Variants in DOCK7 observed in about 807,000 individuals in gnomAD.
DOCK7 encodes the protein dedicator of cytokinesis 7.
DOCK7 carries 138 observed loss-of-function variants against 271.0 expected under a neutral mutation model. The observed-to-expected ratio is 0.51, with a 90% CI of 0.44 to 0.59. The LOEUF (loss-of-function observed/expected upper bound fraction) is 0.59. Ranked by LOEUF, DOCK7 falls within the 20% of genes least tolerant of loss-of-function variation. DOCK7 has a pLI of 0.00. For missense variants in DOCK7, 2,066 were observed against 2,592.4 expected, an observed-to-expected ratio of 0.80 and a Z score of 4.41; for synonymous variants, 823 against 876.1, an observed-to-expected ratio of 0.94 and a Z score of 1.07.
chr1:62,657,341 A>G (rs2149703425), intron 2 of DOCK7, among the ~76,000 whole-genome samples: 1 of 152,308 alleles, frequency 6.6e-6, no homozygotes, highest in Non-Finnish European at 1.5e-5. Context: ...TTGTGTACCA[A>G]AAGAAGACAA....
At chr1:62,561,088 T>G (rs1646306904) in intron 19 of DOCK7, among the ~76,000 whole-genome samples, 1 of 152,014 alleles carries the variant, frequency 6.6e-6, no homozygotes, top group African/African-American at 2.4e-5. Context: ...TGACATACAG[T>G]AATGAGGTTG....
Position 62,513,810 on chromosome 1 carries a change from G to A in DOCK7, c.4025C>T (p.Thr1342Ile), listed in dbSNP as rs1205988041. Residue 1342 changes from threonine (T) to isoleucine (I), a missense_variant, in exon 32 of 50, where the codon ACA becomes ATA. Around this residue, in one of 2 missense-constraint regions of DOCK7, gnomAD observed 1,414 missense variants for 1,670.4 expected, o/e 0.85. Coordinates refer to ENST00000635253, the MANE Select transcript of DOCK7 (RefSeq NM_001367561.1). ...ATCTGTAAACCACTTCTGTAGAACT[G>A]TTTCATCTGCATTTTTGAGAACCCA... ...LLWVLKNADE[T>I]VLQKWFTDLS... The A allele has an allele frequency of 6.2e-7, 1 of 1,614,126 alleles. No homozygotes were observed. The highest frequency in any genetic ancestry group is 8.5e-7 in the Non-Finnish European group (1 of 1,179,998).
intron 14 of DOCK7, among the ~76,000 whole-genome samples, chr1:62,589,122 T>C (rs778866893): frequency 1.3e-5 from 2 of 152,200 alleles, no homozygotes; most frequent in Non-Finnish European, 2.9e-5. Context: ...TGGAGTACAT[T>C]TATGAAGAGT....
intron 37 of DOCK7, among the ~76,000 whole-genome samples, chr1:62,497,334 C>T (rs1222845617): frequency 1.3e-5 from 2 of 152,154 alleles, no homozygotes; most frequent in Admixed American, 6.5e-5. Flanking sequence ...CCAGTATATA[C>T]ACATGTTTCT....
chr1:62,604,224 A>G (rs763633329), intron 14 of DOCK7: 14 of 1,613,018 alleles, frequency 8.7e-6, no homozygotes, highest in Non-Finnish European at 1.1e-5. Flanking sequence ...AACTGTCCAG[A>G]GGGTTATTCA....
chr1:62,639,082 T>C (rs1040256379), intron 7 of DOCK7, among the ~76,000 whole-genome samples: 3 of 152,200 alleles, frequency 2.0e-5, no homozygotes, highest in African/African-American at 7.2e-5. Flanking sequence ...AGTGCTCTAG[T>C]TGTCTAATCA....
At chr1:62,670,019 G>A (rs545299649) in intron 1 of DOCK7, among the ~76,000 whole-genome samples, 2 of 152,354 alleles carry the variant, frequency 1.3e-5, no homozygotes, top group Admixed American at 1.3e-4. Flanking sequence ...GGCAATGGGG[G>A]ACTTAGCACC....
intron 34 of DOCK7, among the ~76,000 whole-genome samples, chr1:62,510,255 T>A (rs1347185816): frequency 1.3e-5 from 2 of 152,198 alleles, no homozygotes; most frequent in Non-Finnish European, 2.9e-5. Context: ...GGTTTCTGAT[T>A]CTTTGTAATA....
chr1:62,504,860 G>A (rs1457345753), intron 36 of DOCK7, 78 bp from the exon 37 acceptor site: 1 of 1,506,308 alleles, frequency 6.6e-7, no homozygotes, highest in Non-Finnish European at 9.0e-7. Context: ...ACCTGAACTG[G>A]AGACTTGTTA....
At position 62,688,276 on chromosome 1, in the gene DOCK7, C is replaced by CGACGGT. The variant is rs1163959676; in HGVS notation, c.-13_-12insACCGTC. On this transcript the variant is annotated 5_prime_UTR_variant, in exon 1 of 50. Coordinates refer to ENST00000635253, the MANE Select transcript of DOCK7 (RefSeq NM_001367561.1). ...CGGCGCTCGGCCATGGCTGCTGCGG[C>CGACGGT]GACGGCGACGGCGGCGGCGGCTGCG... 70 of 1,286,902 alleles carry CGACGGT rather than the reference C, an allele frequency of 5.4e-5. No individual in the cohort carries two copies. Among genetic ancestry groups the CGACGGT allele is most frequent in the Admixed American group, 7.2e-5 (2 of 27,818 alleles). The allele number at this position is 1,286,902 out of a possible 1,614,324, so 79.7% of individuals were successfully genotyped here.
chr1:62,529,383 T>C lies in DOCK7; in HGVS notation c.3675A>G (p.Ser1225=). 1 of 1,613,794 alleles carries C rather than the reference T, an allele frequency of 6.2e-7. No homozygotes were observed. Among genetic ancestry groups the C allele is most frequent in the Non-Finnish European group, 8.5e-7 (1 of 1,179,892 alleles). Residue 1225 remains serine, a synonymous_variant, in exon 30 of 50, where the codon TCA becomes TCG. Transcript: ENST00000635253. ...MVHNLLSSHD[S]DPRYSDPQIK... is the part of the protein sequence containing the mutation. ...TCTGAGGGTCAGAGTACCGCGGGTC[T>C]GAGTCGTGACTGGAGAGTAAATTGT...
At position 62,535,536 on chromosome 1, in the gene DOCK7, C is replaced by G; in HGVS notation, c.3568G>C (p.Val1190Leu). The change falls in exon 29 of 50, where the codon GTG (valine) becomes CTG (leucine). Residue 1190 changes from valine to leucine, a missense_variant. Physicochemically the swap from Val to Leu is conservative, Grantham distance 32. Coordinates refer to ENST00000635253, the MANE Select transcript of DOCK7 (RefSeq NM_001367561.1). Reference sequence around the variant, plus strand: ...AAAATGACAGCCAGCTCTGTTAACACAAGTCCTGCCAAATAATGCTGTTGG... The same window carrying G: ...AAAATGACAGCCAGCTCTGTTAACAGAAGTCCTGCCAAATAATGCTGTTGG... ...FRQQHYLAGL[V>L]LTELAVILDP... The G allele has an allele frequency of 6.2e-7, 1 of 1,614,070 alleles. No individual in the cohort carries two copies. The highest frequency in any genetic ancestry group is 8.5e-7 in the Non-Finnish European group (1 of 1,179,986).
rs779747783 is a variant in DOCK7 at position 62,457,538 on chromosome 1, C to T, written c.6380G>A (p.Arg2127Lys). 4 of 1,612,596 alleles carry T rather than the reference C, an allele frequency of 2.5e-6. No individual in the cohort carries two copies. The highest frequency in any genetic ancestry group is 1.1e-5 in the South Asian group (1 of 90,816). The change falls in exon 49 of 50, where the codon AGA becomes AAA. Residue 2127 changes from arginine (R) to lysine (K), a missense_variant and splice_region_variant. Around this residue, in one of 2 missense-constraint regions of DOCK7, gnomAD observed 652 missense variants for 922.1 expected, o/e 0.71. Transcript: ENST00000635253. Reference protein sequence around the residue: ...YKAVLPVTCHRDSFSRMSLRK... With the variant: ...YKAVLPVTCHKDSFSRMSLRK... ...TAAAACCACTTAAAAATAAGCATAC[C>T]TGTGGCAGGTGACAGGCAATACTGC...
chr1:62,631,847 A>T (rs1325397748), intron 10 of DOCK7, among the ~76,000 whole-genome samples: 1 of 152,234 alleles, frequency 6.6e-6, no homozygotes, highest in Admixed American at 6.5e-5. Flanking sequence ...ATGAGTTAAG[A>T]GTGGGGAAGC....
In DOCK7 at chr1:62,457,415, C is replaced by G. The variant is rs557882999; in HGVS notation, c.6380+123G>C. ...ACGAATATTCCAAAATCTGAAACCC[C>G]AAACACTTCTGGTCCTAAGCTTTTC... On this transcript the variant is annotated intron_variant, in intron 49 of 49. Coordinates refer to ENST00000635253, the MANE Select transcript of DOCK7 (RefSeq NM_001367561.1). 17 of 985,828 alleles carry G rather than the reference C, an allele frequency of 1.7e-5. No individual in the cohort carries two copies. In the East Asian group the frequency reaches 4.0e-4, roughly 23 times the overall value. The allele number at this position is 985,828 out of a possible 1,614,324, so 61.1% of individuals were successfully genotyped here.
At chr1:62,680,138 T>C (rs1572000701) in intron 1 of DOCK7, among the ~76,000 whole-genome samples, 1 of 152,192 alleles carries the variant, frequency 6.6e-6, no homozygotes, top group Middle Eastern at 3.4e-3. Context: ...CTTCAAACTG[T>C]ACTACAAGGC....
chr1:62,492,974 G>A, intron 40 of DOCK7, 127 bp from the exon 41 acceptor site: 7 of 723,996 alleles, frequency 9.7e-6, no homozygotes, highest in East Asian at 6.0e-5. Flanking sequence ...GTGATATAAA[G>A]GTAAAAGATA....
intron 22 of DOCK7, among the ~76,000 whole-genome samples, chr1:62,546,661 CCATA>C (rs1312170308): frequency 6.6e-6 from 1 of 151,902 alleles, no homozygotes; most frequent in African/African-American, 2.4e-5. Context: ...TAAAAATTTC[CCATA>C]CATATTTTTC....
At chr1:62,507,236 T>A (rs1331721233) in intron 35 of DOCK7, among the ~76,000 whole-genome samples, 1 of 152,100 alleles carries the variant, frequency 6.6e-6, no homozygotes, top group Admixed American at 6.6e-5. Context: ...AGAGTAGTGG[T>A]AGTAGAAAAG....
Sources: allele counts gnomAD v4.1 joint callset (sites outside exome capture counted in the v4.1 genomes callset), GRCh38; gene constraint gnomAD v4.1.1; regional missense constraint gnomAD v4.1.1; transcripts MANE v1.5; gene names NCBI Gene and HGNC (gene_info 2026-07-23, HGNC 2026-07-21).